The following CAVIN1 variants were observed in gnomAD, a reference collection of about 807,000 sequenced individuals.
The protein encoded by CAVIN1 is caveolae-associated protein 1.
Under a neutral mutation model 24.0 loss-of-function variants are expected in CAVIN1, and 16 were observed. The ratio of observed to expected loss-of-function variants is 0.67; its 90% CI spans 0.45 to 1.01. The LOEUF (loss-of-function observed/expected upper bound fraction) is 1.01, where lower values mean the gene tolerates loss of function less well. Ranked by LOEUF, CAVIN1 falls within the 50% of genes least tolerant of loss-of-function variation. The pLI is 0.00. For synonymous variants in CAVIN1, 256 were observed against 256.4 expected (o/e 1.00, Z 0.02); for missense variants, 510 against 551.7 (o/e 0.92, Z 0.76).
intron 1 of CAVIN1, among the ~76,000 whole-genome samples, chr17:42,415,481 G>A (rs898671377): frequency 6.6e-6 from 1 of 152,180 alleles, no homozygotes; most frequent in Non-Finnish European, 1.5e-5. Context: ...GGGAGGCTGA[G>A]GCAGACGGAT....
intron 1 of CAVIN1, among the ~76,000 whole-genome samples, chr17:42,410,285 G>A (rs2145477099): frequency 6.6e-6 from 1 of 152,206 alleles, no homozygotes; most frequent in East Asian, 1.9e-4. Context: ...AGAGACCCAG[G>A]ATCTGCTTAG....
chr17:42,417,809 C>T (rs1036906921), intron 1 of CAVIN1, among the ~76,000 whole-genome samples: 5 of 152,134 alleles, frequency 3.3e-5, no homozygotes, highest in Admixed American at 6.6e-5. Flanking sequence ...CAGGCACCCA[C>T]CACCACACCC....
intron 1 of CAVIN1, among the ~76,000 whole-genome samples, chr17:42,410,150 T>G (rs1450563028): frequency 6.6e-6 from 1 of 152,094 alleles, no homozygotes; most frequent in Non-Finnish European, 1.5e-5. Context: ...CACTTCACAT[T>G]TGTTAGGGAG....
rs1027101452 is a variant in CAVIN1, at chr17:42,422,827, C to T, written c.271G>A (p.Gly91Ser). The change falls in exon 1 of 2, where the codon GGC becomes AGC. Residue 91 changes from glycine to serine, a missense_variant. Gly to Ser is a moderately conservative substitution (Grantham distance 56). Transcript: ENST00000357037. ...EMEGAVQSIQ[G>S]ELSKLGKAHA... Reference sequence around the variant, plus strand: ...GCCTTGCCCAGCTTGCTCAGCTCGCCCTGGATGCTCTGCACTGCGCCCTCC... The same window carrying T: ...GCCTTGCCCAGCTTGCTCAGCTCGCTCTGGATGCTCTGCACTGCGCCCTCC... 3 of 1,613,692 alleles carry T rather than the reference C, an allele frequency of 1.9e-6. No individual in the cohort carries two copies. The highest frequency in any genetic ancestry group is 2.5e-6 in the Non-Finnish European group (3 of 1,179,958).
chr17:42,408,007 C>G (rs775991093), intron 1 of CAVIN1, among the ~76,000 whole-genome samples: 61 of 151,990 alleles, frequency 4.0e-4, no homozygotes, highest in Non-Finnish European at 8.2e-4. Context: ...CAGAATTTAC[C>G]TGCAGCCCCA....
chr17:42,406,275 T>G (rs2085446078), intron 1 of CAVIN1, among the ~76,000 whole-genome samples: 1 of 151,106 alleles, frequency 6.6e-6, no homozygotes. Context: ...GTGGTGGGAG[T>G]GTCTAAGTTG....
At chr17:42,405,682 GTTTTTTTT>G (rs531661585) in intron 1 of CAVIN1, among the ~76,000 whole-genome samples, 3 of 57,828 alleles carry the variant, frequency 5.2e-5, no homozygotes, top group African/African-American at 1.5e-4. Flanking sequence ...CTCTCTCCTT[GTTTTTTTT>G]TTTTTTTTTT....
At chr17:42,409,661 A>G (rs963987) in intron 1 of CAVIN1, among the ~76,000 whole-genome samples, 83,221 of 151,782 alleles carry the variant, frequency 0.55, 26,458 homozygotes, top group Admixed American at 0.71. Context: ...CATGACTCAC[A>G]GCCTTGGAGT....
chr17:42,413,405 T>A lies in CAVIN1; in HGVS notation c.472-8017A>T, dbSNP rs530782858. ...ACATTGCCCAGGTCTCTGCAAAAAATACTGTTAGTGGGGCCTGTTGGCACA... is the reference window on the plus strand; with the variant it reads ...ACATTGCCCAGGTCTCTGCAAAAAAAACTGTTAGTGGGGCCTGTTGGCACA... On this transcript the variant is annotated intron_variant, in intron 1 of 1. Transcript: ENST00000357037. 2.6e-5 allele frequency among the ~76,000 whole-genome samples: 4 copies of A among 151,564 alleles called. No individual in the cohort carries two copies. In the East Asian group the frequency reaches 7.9e-4, roughly 30 times the overall value.
At chr17:42,413,566 GAA>G (rs60085741) in intron 1 of CAVIN1, among the ~76,000 whole-genome samples, 5 of 56,976 alleles carry the variant, frequency 8.8e-5, no homozygotes, top group East Asian at 7.0e-4. Flanking sequence ...CTCAAAAAGG[GAA>G]AAAAAAAAAA....
chr17:42,420,059 C>G (rs2085535963), intron 1 of CAVIN1, among the ~76,000 whole-genome samples: 1 of 149,162 alleles, frequency 6.7e-6, no homozygotes, highest in Non-Finnish European at 1.5e-5. Context: ...CAACGGGGGC[C>G]TTCCCATCCC....
intron 1 of CAVIN1, among the ~76,000 whole-genome samples, chr17:42,405,600 G>A (rs1313840573): frequency 2.0e-5 from 3 of 151,806 alleles, no homozygotes; most frequent in African/African-American, 7.3e-5. Context: ...GAGTCCAGGA[G>A]TTCGAGACCA....
At chr17:42,417,019 G>C (rs1477170060) in intron 1 of CAVIN1, among the ~76,000 whole-genome samples, 1 of 152,144 alleles carries the variant, frequency 6.6e-6, no homozygotes, top group Admixed American at 6.6e-5. Context: ...ACTTGGAGCA[G>C]GTCTGATGGG....
At position 42,422,768 on chromosome 17, in the gene CAVIN1, C is replaced by A. The variant is rs1354099018; in HGVS notation, c.330G>T (p.Leu110=). The change falls in exon 1 of 2, where the codon CTG becomes CTT. Residue 110 remains leucine, a synonymous_variant. Coordinates refer to ENST00000357037, the MANE Select transcript of CAVIN1 (RefSeq NM_012232.6). ...HATTSNTVSK[L]LEKVRKVSVN... ...CGCTGACCTTGCGCACCTTCTCCAGCAGCTTGCTCACCGTATTGCTCGTGG... is the reference window on the plus strand; with the variant it reads ...CGCTGACCTTGCGCACCTTCTCCAGAAGCTTGCTCACCGTATTGCTCGTGG... 1 of 1,613,234 alleles carries A rather than the reference C, an allele frequency of 6.2e-7. No homozygotes were observed. Among genetic ancestry groups the A allele is most frequent in the African/African-American group, 1.3e-5 (1 of 74,952 alleles).
intron 1 of CAVIN1, among the ~76,000 whole-genome samples, chr17:42,413,736 C>G (rs1308071998): frequency 6.6e-6 from 1 of 152,046 alleles, no homozygotes; most frequent in Non-Finnish European, 1.5e-5. Flanking sequence ...CAATCCTTCC[C>G]CAGCCATAAT....
At chr17:42,412,374 G>T in intron 1 of CAVIN1, 2 of 635,026 alleles carry the variant, frequency 3.1e-6, no homozygotes, top group Admixed American at 6.4e-5. Flanking sequence ...AATGTATTAG[G>T]ATGGAAATAA....
intron 1 of CAVIN1, among the ~76,000 whole-genome samples, chr17:42,420,333 C>T (rs1366207833): frequency 2.0e-5 from 3 of 152,228 alleles, no homozygotes; most frequent in Non-Finnish European, 4.4e-5. Flanking sequence ...CTCAGGCCTG[C>T]AGACCTCTGG....
At chr17:42,409,839 C>G (rs750170362) in intron 1 of CAVIN1, among the ~76,000 whole-genome samples, 1 of 152,106 alleles carries the variant, frequency 6.6e-6, no homozygotes, top group Non-Finnish European at 1.5e-5. Flanking sequence ...CAAGGAGGGA[C>G]GGCTCTGCTT....
chr17:42,412,719 G>A (rs1279787549), intron 1 of CAVIN1, among the ~76,000 whole-genome samples: 4 of 152,090 alleles, frequency 2.6e-5, no homozygotes, highest in Admixed American at 6.6e-5. Flanking sequence ...CCAGGTTCAA[G>A]TAATTCTCCT....
Sources: allele counts gnomAD v4.1 joint callset (sites outside exome capture counted in the v4.1 genomes callset), GRCh38; gene constraint gnomAD v4.1.1; transcripts MANE v1.5; gene names NCBI Gene and HGNC (gene_info 2026-07-23, HGNC 2026-07-21).